The following ERC2 variants were observed in gnomAD, a reference collection of about 807,000 sequenced individuals.
ERC2 encodes ERC protein 2.
A neutral mutation model predicts 114.8 loss-of-function variants in ERC2; 42 were observed. The ratio of observed to expected loss-of-function variants is 0.37; its 90% CI spans 0.29 to 0.47. ERC2 has a LOEUF of 0.47. Among genes scored for constraint, ERC2 ranks in the 20% least tolerant of loss-of-function variants. ERC2 has a pLI of 0.99. For missense variants in ERC2, 939 were observed against 1,150.7 expected (o/e 0.82, Z 2.66); for synonymous variants, 454 against 425.5 (o/e 1.07, Z -0.82).
At chr3:55,653,798 A>G (rs2060744456) in intron 17 of ERC2, among the ~76,000 whole-genome samples, 1 of 152,240 alleles carries the variant, frequency 6.6e-6, no homozygotes, top group Non-Finnish European at 1.5e-5. Context: ...CAGGCAGTCC[A>G]AGTCACTATT....
chr3:55,969,368 C>T (rs561622992), intron 12 of ERC2, among the ~76,000 whole-genome samples: 5 of 150,138 alleles, frequency 3.3e-5, no homozygotes, highest in Middle Eastern at 6.9e-3. Context: ...ACTGGAAAGT[C>T]GCTGGTCAGG....
intron 14 of ERC2, among the ~76,000 whole-genome samples, chr3:55,870,378 T>C (rs1185927445): frequency 1.3e-5 from 2 of 152,114 alleles, no homozygotes; most frequent in Admixed American, 6.5e-5. Context: ...CCCGGCAGGG[T>C]AGACTTTTCA....
intron 17 of ERC2, among the ~76,000 whole-genome samples, chr3:55,552,529 T>C (rs11720559): frequency 0.21 from 31,239 of 151,796 alleles, 3,727 homozygotes; most frequent in Middle Eastern, 0.31. Context: ...CAAGGTACAG[T>C]GAGTGAATCA....
intron 3 of ERC2, among the ~76,000 whole-genome samples, chr3:56,249,589 G>T (rs907418654): frequency 2.6e-4 from 39 of 152,052 alleles, no homozygotes; most frequent in Non-Finnish European, 5.3e-4. Context: ...GCCTCCCAAA[G>T]TGCTGGGATT....
At chr3:56,232,548 A>G (rs1165896190) in intron 3 of ERC2, among the ~76,000 whole-genome samples, 1 of 152,104 alleles carries the variant, frequency 6.6e-6, no homozygotes, top group Non-Finnish European at 1.5e-5. Flanking sequence ...ATCTGGGTCT[A>G]TGAATGCCTG....
intron 1 of ERC2, among the ~76,000 whole-genome samples, chr3:56,452,611 G>A (rs1446823622): frequency 6.6e-6 from 1 of 152,078 alleles, no homozygotes; most frequent in Non-Finnish European, 1.5e-5. Flanking sequence ...AGCCAACCCT[G>A]GGGTTCTACG....
chr3:55,802,973 C>T (rs184422292), intron 14 of ERC2, among the ~76,000 whole-genome samples: 4 of 152,126 alleles, frequency 2.6e-5, no homozygotes, highest in East Asian at 1.9e-4. Context: ...TATATCATTA[C>T]GATTTCAAAG....
chr3:55,972,711 A>G (rs1245171040), intron 12 of ERC2, among the ~76,000 whole-genome samples: 1 of 152,124 alleles, frequency 6.6e-6, no homozygotes, highest in Non-Finnish European at 1.5e-5. Context: ...AGTCTTTGCT[A>G]TTGTAAATAG....
At chr3:55,547,591 T>A (rs1420115001) in intron 17 of ERC2, among the ~76,000 whole-genome samples, 2 of 152,052 alleles carry the variant, frequency 1.3e-5, no homozygotes, top group Admixed American at 1.3e-4. Context: ...CTCCGTGGGG[T>A]AGCACACAAA....
chr3:56,084,986 C>G (rs957140647), intron 6 of ERC2, among the ~76,000 whole-genome samples: 2 of 152,004 alleles, frequency 1.3e-5, no homozygotes, highest in African/African-American at 4.8e-5. Context: ...CTGCTTTTAA[C>G]TGCCTGAGAG....
chr3:55,757,144 A>G (rs1271503540), intron 14 of ERC2, among the ~76,000 whole-genome samples: 1 of 152,162 alleles, frequency 6.6e-6, no homozygotes, highest in African/African-American at 2.4e-5. Flanking sequence ...ACCACATCAT[A>G]TTAGTGTATA....
chr3:56,241,182 GAACTC>G (rs1328310586), intron 3 of ERC2, among the ~76,000 whole-genome samples: 2 of 151,876 alleles, frequency 1.3e-5, no homozygotes, highest in Non-Finnish European at 2.9e-5. Flanking sequence ...AATCTACAAA[GAACTC>G]AACTCAACAA....
At chr3:56,292,445 C>G (rs1296817827) in intron 3 of ERC2, among the ~76,000 whole-genome samples, 3 of 150,916 alleles carry the variant, frequency 2.0e-5, no homozygotes, top group African/African-American at 7.3e-5. Flanking sequence ...AAAAAAATAG[C>G]CAGGCATCGT....
rs1041674423 is a variant in ERC2 at position 56,284,430 on chromosome 3, T to C, written c.1074+11589A>G. ...ACTTAATAGTACTTAGAGCAAAGCA[T>C]GTGTGGTCACAATGTTTTAAAGGGG... On this transcript the variant is annotated intron_variant, in intron 3 of 17. Coordinates refer to ENST00000288221, the MANE Select transcript of ERC2 (RefSeq NM_015576.3). Among the ~76,000 whole-genome samples, 5 of 152,364 alleles carry C rather than the reference T, an allele frequency of 3.3e-5. No individual in the cohort carries two copies. In the South Asian group the frequency reaches 6.2e-4, roughly 19 times the overall value.
intron 14 of ERC2, among the ~76,000 whole-genome samples, chr3:55,815,209 T>C (rs549357926): frequency 7.6e-6 from 1 of 132,266 alleles, no homozygotes; most frequent in Non-Finnish European, 1.6e-5. Context: ...AGAAATGCAC[T>C]GAGACATCTA....
chr3:56,382,341 G>T (rs982813237), intron 2 of ERC2, among the ~76,000 whole-genome samples: 1 of 151,742 alleles, frequency 6.6e-6, no homozygotes, highest in Non-Finnish European at 1.5e-5. Context: ...ATCTCAAAAA[G>T]GCCTTCTCTT....
At chr3:56,193,009 C>T (rs1057007386) in intron 3 of ERC2, among the ~76,000 whole-genome samples, 4 of 152,074 alleles carry the variant, frequency 2.6e-5, no homozygotes, top group African/African-American at 7.2e-5. Flanking sequence ...AACTACCTAC[C>T]CGATTTTGAC....
At chr3:56,060,381 C>A (rs531495095) in intron 7 of ERC2, among the ~76,000 whole-genome samples, 29 of 152,302 alleles carry the variant, frequency 1.9e-4, no homozygotes, top group African/African-American at 6.7e-4. Context: ...TGGGAAGAAA[C>A]CCCCACCCTT....
Position 55,545,044 on chromosome 3 carries a change from T to G in ERC2, c.*40-33768A>C, listed in dbSNP as rs1475999381. ...ACATCTACTGAACTGCACCTTCATC[T>G]GTATTGTCAGTCATCATTTTCCTGG... On this transcript the variant is annotated intron_variant, in intron 17 of 17. Transcript: ENST00000288221. Among the ~76,000 whole-genome samples the G allele has an allele frequency of 2.0e-5, 3 of 152,324 alleles. No individual in the cohort carries two copies. The East Asian group carries it at 5.8e-4, about 29-fold the overall frequency.
Sources: gnomAD v4.1 joint callset for allele counts (sites outside exome capture counted in the v4.1 genomes callset) on GRCh38, gnomAD v4.1.1 for gene constraint, MANE v1.5 for transcripts, NCBI Gene and HGNC (gene_info 2026-07-23, HGNC 2026-07-21) for gene names.